The following HERC3 variants were observed in gnomAD, a reference collection of about 807,000 sequenced individuals.
HERC3 encodes HECT and RLD domain containing E3 ubiquitin protein ligase 3, also known as probable E3 ubiquitin-protein ligase HERC3.
In HERC3, 58 loss-of-function variants were observed where a neutral mutation model predicts 129.9. The observed-to-expected ratio is 0.45, with a 90% CI of 0.36 to 0.56. HERC3 has a LOEUF of 0.56. HERC3 is among the 20% of genes least tolerant of loss of function. HERC3 has a pLI of 0.00. For missense variants in HERC3, 835 were observed against 1,244.2 expected (o/e 0.67, Z 4.95); for synonymous variants, 430 against 451.0 (o/e 0.95, Z 0.59).
chr4:88,548,087 T>G, the HERC3 span, among the ~76,000 whole-genome samples: 1 of 152,236 alleles, frequency 6.6e-6, no homozygotes, highest in African/African-American at 2.4e-5. Flanking sequence ...CGTATTTTAT[T>G]CATCCATTCA....
At chr4:88,679,474 C>T (rs1453706462) in intron 19 of HERC3, among the ~76,000 whole-genome samples, 1 of 149,944 alleles carries the variant, frequency 6.7e-6, no homozygotes, top group Non-Finnish European at 1.5e-5. Context: ...AAAAAGTATT[C>T]TCTGCTTCTT....
intron 11 of HERC3, among the ~76,000 whole-genome samples, chr4:88,663,770 A>G (rs1730755085): frequency 6.6e-6 from 1 of 152,230 alleles, no homozygotes; most frequent in Non-Finnish European, 1.5e-5. Context: ...TAATTTGCCA[A>G]GATAATTTCT....
upstream of HERC3, among the ~76,000 whole-genome samples, chr4:88,589,656 G>A: frequency 6.6e-6 from 1 of 152,286 alleles, no homozygotes; most frequent in East Asian, 1.9e-4. Context: ...AGTAAACCAT[G>A]GCCTCTTCAA....
chr4:88,675,259 T>C (rs1024284028), intron 16 of HERC3, among the ~76,000 whole-genome samples: 3 of 152,230 alleles, frequency 2.0e-5, no homozygotes, highest in African/African-American at 7.2e-5. Flanking sequence ...CACACTGGCC[T>C]TTTCTTAGGT....
At chr4:88,642,463 C>G (rs1214305311) in intron 3 of HERC3, among the ~76,000 whole-genome samples, 1 of 152,192 alleles carries the variant, frequency 6.6e-6, no homozygotes, top group African/African-American at 2.4e-5. Context: ...AGATTGCATT[C>G]TTTCAGTTCA....
the HERC3 span, among the ~76,000 whole-genome samples, chr4:88,531,163 A>C: frequency 1.3e-5 from 2 of 151,928 alleles, no homozygotes; most frequent in Non-Finnish European, 2.9e-5. Flanking sequence ...TGGCAGGAAT[A>C]GTATTTTTAA....
intron 3 of HERC3, among the ~76,000 whole-genome samples, chr4:88,623,183 T>C (rs1331989194): frequency 6.6e-6 from 1 of 152,178 alleles, no homozygotes; most frequent in Non-Finnish European, 1.5e-5. Flanking sequence ...CGTCCTGAAG[T>C]TTTTGATGCA....
the HERC3 span, among the ~76,000 whole-genome samples, chr4:88,552,361 C>T: frequency 1.3e-5 from 2 of 151,820 alleles, no homozygotes; most frequent in East Asian, 3.9e-4. Context: ...GAATTTGTTT[C>T]CCACACTCAG....
At chr4:88,684,889 G>A (rs1043743706) in intron 21 of HERC3, 6 of 152,286 alleles carry the variant, frequency 3.9e-5, no homozygotes, top group Admixed American at 1.3e-4. Flanking sequence ...TCATCCTTGC[G>A]CAGGGGCCAT....
intron 3 of HERC3, among the ~76,000 whole-genome samples, chr4:88,618,583 G>T (rs1001866102): frequency 6.6e-6 from 1 of 152,190 alleles, no homozygotes; most frequent in African/African-American, 2.4e-5. Flanking sequence ...GTGATTAGGA[G>T]TGGGAAGGGG....
chr4:88,600,112 A>G (rs1722817877), intron 2 of HERC3, among the ~76,000 whole-genome samples: 2 of 152,238 alleles, frequency 1.3e-5, no homozygotes, highest in African/African-American at 4.8e-5. Flanking sequence ...TACCAGACTC[A>G]GAGTAAGCTC....
chr4:88,690,720 A>C, intron 23 of HERC3: 1 of 586,434 alleles, frequency 1.7e-6, no homozygotes, highest in Non-Finnish European at 2.1e-6. Flanking sequence ...TTCTCTTAGC[A>C]TATTTTTTGT....
chr4:88,558,739 G>A, the HERC3 span, among the ~76,000 whole-genome samples: 4 of 151,932 alleles, frequency 2.6e-5, no homozygotes, highest in African/African-American at 7.3e-5. Context: ...CGAGGCGGGC[G>A]GATCACGAGG....
intron 3 of HERC3, among the ~76,000 whole-genome samples, chr4:88,622,934 A>C (rs1250568342): frequency 6.6e-6 from 1 of 152,230 alleles, no homozygotes; most frequent in African/African-American, 2.4e-5. Context: ...TCACAAAAAA[A>C]CAAAAACAAA....
chr4:88,634,617 A>AC (rs936532324), intron 3 of HERC3, among the ~76,000 whole-genome samples: 6 of 139,940 alleles, frequency 4.3e-5, no homozygotes, highest in African/African-American at 1.6e-4. Flanking sequence ...AGCACAGCAC[A>AC]CCCCCTCCAC....
chr4:88,602,034 C>G (rs554965617), intron 2 of HERC3, among the ~76,000 whole-genome samples: 1 of 122,230 alleles, frequency 8.2e-6, no homozygotes, highest in Non-Finnish European at 1.7e-5. Flanking sequence ...CCAGCCTGGG[C>G]GACAGAGCGA....
intron 3 of HERC3, among the ~76,000 whole-genome samples, chr4:88,633,099 G>C (rs1726957545): frequency 6.6e-6 from 1 of 152,206 alleles, no homozygotes; most frequent in Non-Finnish European, 1.5e-5. Flanking sequence ...ATAGAAAGAA[G>C]AGAATTGTAA....
At chr4:88,621,697 C>T (rs147601022) in intron 3 of HERC3, among the ~76,000 whole-genome samples, 21 of 152,332 alleles carry the variant, frequency 1.4e-4, no homozygotes, top group African/African-American at 4.6e-4. Flanking sequence ...GAAATTCTGC[C>T]TGCATTACTG....
the HERC3 span, among the ~76,000 whole-genome samples, chr4:88,547,799 T>C: frequency 6.6e-6 from 1 of 152,220 alleles, no homozygotes; most frequent in East Asian, 1.9e-4. Flanking sequence ...GGGACTATAG[T>C]AGCACACCAC....
Sources: allele counts gnomAD v4.1 joint callset (sites outside exome capture counted in the v4.1 genomes callset), GRCh38; gene constraint gnomAD v4.1.1; transcripts MANE v1.5; gene names NCBI Gene and HGNC (gene_info 2026-07-23, HGNC 2026-07-21).